Variants in CYP2W1 observed in about 807,000 individuals in gnomAD.
CYP2W1 encodes cytochrome P450 family 2 subfamily W member 1, also known as cytochrome P450 2W1.
A neutral mutation model predicts 44.9 loss-of-function variants in CYP2W1; 51 were observed. The observed-to-expected ratio is 1.14, with a 90% CI of 0.91 to 1.43. The LOEUF (loss-of-function observed/expected upper bound fraction) is 1.43. Ranked by LOEUF, CYP2W1 falls within the 40% of genes most tolerant of loss-of-function variation. The pLI is 0.00. For synonymous variants in CYP2W1, 383 were observed against 338.3 expected (o/e 1.13, Z -1.45); for missense variants, 746 against 700.0 (o/e 1.07, Z -0.74).
intron 7 of CYP2W1, 83 bp downstream of exon 7, chr7:987,614 G>A (rs572002771): frequency 3.0e-5 from 40 of 1,311,798 alleles, no homozygotes; most frequent in Admixed American, 1.9e-4. Context: ...ACGGCTGAGC[G>A]TCTGGTGGGT....
chr7:987,035 G>A (rs1848406211), intron 5 of CYP2W1, 72 bp from the exon 6 acceptor site: 2 of 1,426,366 alleles, frequency 1.4e-6, no homozygotes, highest in Non-Finnish European at 1.8e-6. Context: ...TGGAGCCCAG[G>A]GCTGGGCTGG....
rs777627781 is a variant in CYP2W1, at chr7:985,173, C to T, written c.495C>T (p.Pro165=). 3 of 1,579,110 alleles carry T rather than the reference C, an allele frequency of 1.9e-6. No homozygotes were observed. The highest frequency in any genetic ancestry group is 2.6e-6 in the Non-Finnish European group (3 of 1,162,820). Reference sequence around the variant, plus strand: ...GGCCCGTCTCCCTCGCAGGCCGGCCCTTCCCGCTGGCCCTACTGGGCTGGG... The same window carrying T: ...GGCCCGTCTCCCTCGCAGGCCGGCCTTTCCCGCTGGCCCTACTGGGCTGGG... The part of the protein sequence containing the change: ...SGQLDGYRGR[P]FPLALLGWAP... Residue 165 remains proline (P), a synonymous_variant, in exon 4 of 9, where the codon CCC becomes CCT. Transcript: ENST00000308919.
In CYP2W1 at chr7:984,955, T is replaced by A. The variant is rs148638638; in HGVS notation, c.343T>A (p.Phe115Ile). Residue 115 changes from phenylalanine (F) to isoleucine (I), a missense_variant, in exon 3 of 9, where the codon TTC becomes ATC. Transcript: ENST00000308919. ...CGCACTGTATCTGCCTACAGGCATC[T>A]TCTTCTCATCTGGGGCGCGCTGGAG... ...FQLIQRGGGI[F>I]FSSGARWRAA... is the part of the protein sequence containing the mutation. The A allele has an allele frequency of 8.1e-6, 13 of 1,599,570 alleles. No homozygotes were observed. In the Admixed American group the frequency reaches 8.4e-5, roughly 10 times the overall value.
intron 4 of CYP2W1, chr7:986,292 T>G: frequency 3.2e-6 from 1 of 311,772 alleles, no homozygotes; most frequent in Non-Finnish European, 6.0e-6. Flanking sequence ...CTCCAAGGTC[T>G]GAGGTCTGCT....
intron 2 of CYP2W1, 131 bp from the exon 3 acceptor site, chr7:984,819 G>A (rs1382853323): frequency 1.5e-5 from 19 of 1,306,010 alleles, no homozygotes; most frequent in African/African-American, 5.9e-5. Context: ...CCAGGGGGAC[G>A]GGAGTGGGGA....
At chr7:987,032 C>G (rs1194079458) in intron 5 of CYP2W1, 75 bp from the exon 6 acceptor site, 2 of 1,426,828 alleles carry the variant, frequency 1.4e-6, no homozygotes, top group Non-Finnish European at 1.8e-6. Flanking sequence ...TAGTGGAGCC[C>G]AGGGCTGGGC....
chr7:984,820 G>C, intron 2 of CYP2W1, 130 bp from the exon 3 acceptor site: 1 of 1,314,732 alleles, frequency 7.6e-7, no homozygotes, highest in Non-Finnish European at 1.0e-6. Flanking sequence ...CAGGGGGACG[G>C]GAGTGGGGAT....
At chr7:988,067 T>A (rs1400403386) in intron 7 of CYP2W1, among the ~76,000 whole-genome samples, 1 of 135,620 alleles carries the variant, frequency 7.4e-6, no homozygotes, top group Non-Finnish European at 1.5e-5. Flanking sequence ...TCTCCATGCA[T>A]CCTGGGTGTC....
At chr7:987,012 G>T (rs887794682) in intron 5 of CYP2W1, 95 bp from the exon 6 acceptor site, 15 of 1,399,368 alleles carry the variant, frequency 1.1e-5, no homozygotes, top group Admixed American at 5.9e-5. Context: ...CCAGATCACC[G>T]GGGCATCCAT....
At chr7:988,197 C>T (rs1848539570) in intron 7 of CYP2W1, 80 bp from the exon 8 acceptor site, 1 of 1,462,982 alleles carries the variant, frequency 6.8e-7, no homozygotes, top group Non-Finnish European at 9.2e-7. Flanking sequence ...GGAGCTACAT[C>T]CTGGAATGAA....
chr7:988,468 G>A, intron 8 of CYP2W1, 50 bp downstream of exon 8: 1 of 1,608,140 alleles, frequency 6.2e-7, no homozygotes, highest in Middle Eastern at 1.7e-4. Flanking sequence ...GGGCTCCAGG[G>A]GTGGGACGGC....
At position 988,231 on chromosome 7, in the gene CYP2W1, C is replaced by T. The variant is rs1422220229; in HGVS notation, c.1144-46C>T. The T allele has an allele frequency of 2.0e-6, 3 of 1,537,876 alleles. 1 individual carries two copies. In the South Asian group the frequency reaches 3.7e-5, roughly 19 times the overall value. Reference sequence around the variant, plus strand: ...AAACTTCCCAACCCAGGCCCCATCCCATCTTCCCCGGGGCCCCTCTCTCTG... The same window carrying T: ...AAACTTCCCAACCCAGGCCCCATCCTATCTTCCCCGGGGCCCCTCTCTCTG... On this transcript the variant is annotated intron_variant, in intron 7 of 8. Coordinates refer to ENST00000308919, the MANE Select transcript of CYP2W1 (RefSeq NM_017781.3).
Position 987,169 on chromosome 7 carries a change from C to A in CYP2W1, c.882C>A (p.Val294=). Reference sequence around the variant, plus strand: ...CGGTGGCCTGCACCCTGGACATGGTCATGGCCGGGACGGAGACGACCTCGG... The same window carrying A: ...CGGTGGCCTGCACCCTGGACATGGTAATGGCCGGGACGGAGACGACCTCGG... ...ANAVACTLDM[V]MAGTETTSAT... is the part of the protein sequence containing the mutation. The change falls in exon 6 of 9, where the codon GTC becomes GTA. Residue 294 remains valine (V), a synonymous_variant. Transcript: ENST00000308919. The A allele has an allele frequency of 6.4e-7, 1 of 1,570,928 alleles. No homozygotes were observed. Among genetic ancestry groups the A allele is most frequent in the Non-Finnish European group, 8.6e-7 (1 of 1,158,864 alleles).
At position 987,011 on chromosome 7, in the gene CYP2W1, C is replaced by T. The variant is rs117425670; in HGVS notation, c.820-96C>T. ...TGAGGGATGGCTGAGCCCAGATCAC[C>T]GGGGCATCCATAGTGGAGCCCAGGG... On this transcript the variant is annotated intron_variant, in intron 5 of 8. Transcript: ENST00000308919. The T allele has an allele frequency of 0.013, 17,835 of 1,406,384 alleles. 1,316 individuals carry two copies. The East Asian group carries it at 0.24, about 19-fold the overall frequency. The allele number at this position is 1,406,384 out of a possible 1,614,324, so 87.1% of individuals were successfully genotyped here.
chr7:989,363 A>G lies in CYP2W1; in HGVS notation c.*541A>G, dbSNP rs371837394. The G allele has an allele frequency of 2.6e-3, 409 of 156,924 alleles. 2 individuals are homozygous for G. The highest frequency in any genetic ancestry group is 9.1e-3 in the African/African-American group (380 of 41,632). The allele number at this position is 156,924 out of a possible 1,614,324, so 9.7% of individuals were successfully genotyped here. Reference sequence around the variant, plus strand: ...GAGCCAAGCCACTGGGGCCATGCGTATGACTGGTGCAGGGAGGCAAGGCCC... The same window carrying G: ...GAGCCAAGCCACTGGGGCCATGCGTGTGACTGGTGCAGGGAGGCAAGGCCC... On this transcript the variant is annotated 3_prime_UTR_variant, in exon 9 of 9. Coordinates refer to ENST00000308919, the MANE Select transcript of CYP2W1 (RefSeq NM_017781.3).
rs768066698 is a variant in CYP2W1 at position 985,220 on chromosome 7, C to A, written c.542C>A (p.Ala181Glu). 49 of 1,555,032 alleles carry A rather than the reference C, an allele frequency of 3.2e-5. No homozygotes were observed. In the South Asian group the frequency reaches 5.6e-4, roughly 18 times the overall value. The change falls in exon 4 of 9, where the codon GCG becomes GAG. Residue 181 changes from alanine to glutamate, a missense_variant. Physicochemically the swap from Ala to Glu is moderately radical, Grantham distance 107. Coordinates refer to ENST00000308919, the MANE Select transcript of CYP2W1 (RefSeq NM_017781.3). ...TGGGCTCCCTCCAATATCACCTTCGCGCTCCTCTTCGGCCGCCGATTTGAC... is the reference window on the plus strand; with the variant it reads ...TGGGCTCCCTCCAATATCACCTTCGAGCTCCTCTTCGGCCGCCGATTTGAC... ...LGWAPSNITF[A>E]LLFGRRFDYR...
At position 988,396 on chromosome 7, in the gene CYP2W1, G is replaced by A. The variant is rs565792325; in HGVS notation, c.1263G>A (p.Glu421=). 6.2e-7 allele frequency: 1 copy of A among 1,612,680 alleles called. No individual in the cohort carries two copies. The highest frequency in any genetic ancestry group is 1.3e-5 in the African/African-American group (1 of 75,028). Reference sequence around the variant, plus strand: ...CGAATGGGCACTTTGTGAAGCGGGAGGCCTTCCTGCCTTTCTCTGCAGGTC... The same window carrying A: ...CGAATGGGCACTTTGTGAAGCGGGAAGCCTTCCTGCCTTTCTCTGCAGGTC... ...LDANGHFVKR[E]AFLPFSAGRR... The change falls in exon 8 of 9, where the codon GAG becomes GAA. Residue 421 remains glutamate, a synonymous_variant. Coordinates refer to ENST00000308919, the MANE Select transcript of CYP2W1 (RefSeq NM_017781.3).
intron 4 of CYP2W1, 79 bp from the exon 5 acceptor site, chr7:986,545 G>A (rs930165682): frequency 1.4e-5 from 22 of 1,535,518 alleles, no homozygotes; most frequent in African/African-American, 9.6e-5. Context: ...GAACACAGCC[G>A]CTGGGGACGA....
At position 988,138 on chromosome 7, in the gene CYP2W1, G is replaced by A. The variant is rs1191013656; in HGVS notation, c.1144-139G>A. 5.7e-6 allele frequency: 6 copies of A among 1,050,486 alleles called. No individual in the cohort carries two copies. In the East Asian group the frequency reaches 1.6e-4, roughly 27 times the overall value. 65.1% of individuals were successfully genotyped at this position (1,050,486 alleles called of 1,614,324 possible). A position where few individuals can be genotyped will look rare whatever the true frequency, so the allele number is the denominator to read the frequency against. ...GGGTCATGTGGCCTCCCTGGGTTTG[G>A]GTGCCTCACCTGCAAGGTGGGCTAA... On this transcript the variant is annotated intron_variant, in intron 7 of 8. Coordinates refer to ENST00000308919, the MANE Select transcript of CYP2W1 (RefSeq NM_017781.3).
Sources: gnomAD v4.1 joint callset for allele counts (sites outside exome capture counted in the v4.1 genomes callset) on GRCh38, gnomAD v4.1.1 for gene constraint, MANE v1.5 for transcripts, NCBI Gene and HGNC (gene_info 2026-07-23, HGNC 2026-07-21) for gene names.